GABRB2: variants seen among roughly 807,000 people sequenced by gnomAD.
GABRB2 encodes gamma-aminobutyric acid type A receptor subunit beta2.
In GABRB2, 16 loss-of-function variants were observed where a neutral mutation model predicts 54.7. The observed-to-expected ratio is 0.29, with a 90% CI of 0.20 to 0.44. The LOEUF (loss-of-function observed/expected upper bound fraction) is 0.44, where lower values mean the gene tolerates loss of function less well. Among genes scored for constraint, GABRB2 ranks in the 20% least tolerant of loss-of-function variants. The pLI is 1.00. For synonymous variants in GABRB2, 244 were observed against 233.8 expected (o/e 1.04, Z -0.40); for missense variants, 355 against 644.0 (o/e 0.55, Z 4.86).
At chr5:161,487,654 C>T (rs992756619) in intron 3 of GABRB2, among the ~76,000 whole-genome samples, 1 of 151,866 alleles carries the variant, frequency 6.6e-6, no homozygotes, top group Non-Finnish European at 1.5e-5. Flanking sequence ...GCTTATTTAT[C>T]CTTTCTGTCA....
chr5:161,477,504 A>G (rs996078108), intron 3 of GABRB2, among the ~76,000 whole-genome samples: 2 of 151,978 alleles, frequency 1.3e-5, no homozygotes, highest in Non-Finnish European at 2.9e-5. Context: ...AGATAGTTGC[A>G]TATCCACGTT....
chr5:161,320,863 A>G (rs989664450), intron 9 of GABRB2, among the ~76,000 whole-genome samples: 4 of 151,924 alleles, frequency 2.6e-5, no homozygotes, highest in Non-Finnish European at 5.9e-5. Flanking sequence ...AGTCATCTTT[A>G]TCTCTATTTC....
chr5:161,516,647 ATT>A (rs5872717), intron 3 of GABRB2, among the ~76,000 whole-genome samples: 1 of 151,590 alleles, frequency 6.6e-6, no homozygotes, highest in Non-Finnish European at 1.5e-5. Flanking sequence ...TAAAGTAAAG[ATT>A]TTTTTTTATT....
intron 5 of GABRB2, among the ~76,000 whole-genome samples, chr5:161,355,504 G>A: frequency 6.6e-6 from 1 of 151,576 alleles, no homozygotes; most frequent in Non-Finnish European, 1.5e-5. Flanking sequence ...CATATCAAAT[G>A]TCATAGGCAT....
chr5:161,318,300 A>G (rs1758104102), intron 9 of GABRB2, among the ~76,000 whole-genome samples: 1 of 151,974 alleles, frequency 6.6e-6, no homozygotes, highest in South Asian at 2.1e-4. Flanking sequence ...CATCTAATCC[A>G]TGTTTATTCA....
intron 3 of GABRB2, among the ~76,000 whole-genome samples, chr5:161,490,376 C>A (rs1415212339): frequency 6.6e-6 from 1 of 151,586 alleles, no homozygotes; most frequent in Non-Finnish European, 1.5e-5. Context: ...GCCTTGTGAA[C>A]ACATGGTTCA....
At chr5:161,333,490 T>G (rs1027151045) in intron 7 of GABRB2, among the ~76,000 whole-genome samples, 1 of 152,226 alleles carries the variant, frequency 6.6e-6, no homozygotes, top group African/African-American at 2.4e-5. Flanking sequence ...AGCCACATAA[T>G]TTAATTTTAA....
intron 3 of GABRB2, among the ~76,000 whole-genome samples, chr5:161,523,331 A>C (rs1487633450): frequency 6.6e-6 from 1 of 151,556 alleles, no homozygotes; most frequent in Non-Finnish European, 1.5e-5. Context: ...TTGGAGAAGT[A>C]ACAACCAAAT....
At chr5:161,546,919 T>A (rs1346371874), upstream of GABRB2, 3 of 465,948 alleles carry the variant, frequency 6.4e-6, no homozygotes, top group Non-Finnish European at 1.0e-5. Context: ...AAAATTTTTG[T>A]TGTTATCCTT....
chr5:161,523,719 A>G (rs74457856), intron 3 of GABRB2, among the ~76,000 whole-genome samples: 3,930 of 151,592 alleles, frequency 0.026, 79 homozygotes, highest in East Asian at 0.11. Context: ...CTGGTGACCA[A>G]CAAATAAGAA....
intron 3 of GABRB2, among the ~76,000 whole-genome samples, chr5:161,467,856 A>G (rs1336534244): frequency 6.6e-6 from 1 of 152,100 alleles, no homozygotes; most frequent in Non-Finnish European, 1.5e-5. Context: ...TATAAAGTCA[A>G]TATTTCCAGT....
intron 5 of GABRB2, among the ~76,000 whole-genome samples, chr5:161,369,248 A>C (rs982430078): frequency 3.3e-5 from 5 of 152,166 alleles, no homozygotes; most frequent in Non-Finnish European, 1.5e-5. Flanking sequence ...TCCTGCAGGG[A>C]AACTGGCAGC....
At chr5:161,319,188 G>A (rs1309991881) in intron 9 of GABRB2, among the ~76,000 whole-genome samples, 1 of 148,900 alleles carries the variant, frequency 6.7e-6, no homozygotes, top group Non-Finnish European at 1.5e-5. Context: ...GTTCTAGCCT[G>A]AACTGTTCCA....
intron 5 of GABRB2, among the ~76,000 whole-genome samples, chr5:161,386,476 A>G (rs1319646246): frequency 6.6e-6 from 1 of 152,152 alleles, no homozygotes; most frequent in Non-Finnish European, 1.5e-5. Flanking sequence ...CTGTCAAATA[A>G]CTTAAGGAGA....
intron 5 of GABRB2, among the ~76,000 whole-genome samples, chr5:161,381,742 T>C (rs997533088): frequency 6.6e-6 from 1 of 152,180 alleles, no homozygotes; most frequent in African/African-American, 2.4e-5. Flanking sequence ...GTTACGAGCA[T>C]GAGCTTTGGA....
At position 161,472,684 on chromosome 5, in the gene GABRB2, G is replaced by T. The variant is rs192306521; in HGVS notation, c.238-12840C>A. 3.3e-5 allele frequency among the ~76,000 whole-genome samples: 5 copies of T among 151,954 alleles called. No individual in the cohort carries two copies. In the East Asian group the frequency reaches 5.8e-4, roughly 18 times the overall value. On this transcript the variant is annotated intron_variant, in intron 3 of 9. Coordinates refer to ENST00000393959, the MANE Select transcript of GABRB2 (RefSeq NM_001371727.1). ...AAAGCATCCCTAGTTTTGGCAGAGG[G>T]TGTACTTTAGCACTGAGGGGCCTAA...
intron 4 of GABRB2, among the ~76,000 whole-genome samples, chr5:161,421,769 G>A (rs1261944334): frequency 6.6e-6 from 1 of 152,188 alleles, no homozygotes; most frequent in African/African-American, 2.4e-5. Context: ...AAACGAGTCA[G>A]TGACCAATGG....
intron 5 of GABRB2, among the ~76,000 whole-genome samples, chr5:161,376,917 A>G (rs72813531): frequency 0.014 from 2,086 of 152,180 alleles, 22 homozygotes; most frequent in Non-Finnish European, 0.019. Context: ...AAGAATTTAT[A>G]TAGAAACATC....
intron 3 of GABRB2, among the ~76,000 whole-genome samples, chr5:161,529,312 G>A (rs1760381679): frequency 6.6e-6 from 1 of 151,966 alleles, no homozygotes; most frequent in South Asian, 2.1e-4. Context: ...TTTCCCAAAA[G>A]TCATTTAGGA....
Sources: gnomAD v4.1 joint callset for allele counts (sites outside exome capture counted in the v4.1 genomes callset) on GRCh38, gnomAD v4.1.1 for gene constraint, MANE v1.5 for transcripts, NCBI Gene and HGNC (gene_info 2026-07-23, HGNC 2026-07-21) for gene names.